The following PAQR8 variants were observed in gnomAD, a reference collection of about 807,000 sequenced individuals.
The protein encoded by PAQR8 is membrane progestin receptor beta.
Under a neutral mutation model 25.2 loss-of-function variants are expected in PAQR8, and 17 were observed. That is an observed-to-expected ratio of 0.67 (90% CI 0.46 to 1.01). The LOEUF is 1.01. Ranked by LOEUF, PAQR8 falls within the 50% of genes least tolerant of loss-of-function variation. The probability of loss-of-function intolerance (pLI) is 0.00; values close to 1 mark genes in which losing one functional copy is unlikely to be tolerated. For synonymous variants in PAQR8, 204 were observed against 190.6 expected, an observed-to-expected ratio of 1.07 and a Z score of -0.58; for missense variants, 392 against 448.4, an observed-to-expected ratio of 0.87 and a Z score of 1.14.
At chr6:52,365,893 G>C (rs1763345972) in intron 1 of PAQR8, among the ~76,000 whole-genome samples, 1 of 151,890 alleles carries the variant, frequency 6.6e-6, no homozygotes, top group Non-Finnish European at 1.5e-5. Flanking sequence ...ATAACAGTTT[G>C]GTGTGGTAAG....
chr6:52,390,861 T>C (rs1763698854), intron 1 of PAQR8, among the ~76,000 whole-genome samples: 1 of 152,208 alleles, frequency 6.6e-6, no homozygotes, highest in Admixed American at 6.5e-5. Context: ...GGGGTGTTTC[T>C]TGGGGAGGGT....
chr6:52,365,161 A>G (rs1003604797), intron 1 of PAQR8, among the ~76,000 whole-genome samples: 4 of 152,068 alleles, frequency 2.6e-5, no homozygotes, highest in Non-Finnish European at 5.9e-5. Context: ...CCAGAAAGCC[A>G]TTTGCCCCAG....
At chr6:52,379,696 G>A (rs1044106075) in intron 1 of PAQR8, among the ~76,000 whole-genome samples, 3 of 143,150 alleles carry the variant, frequency 2.1e-5, no homozygotes, top group Admixed American at 7.4e-5. Flanking sequence ...CTGCGATCTC[G>A]GCTCACTGCG....
intron 1 of PAQR8, among the ~76,000 whole-genome samples, chr6:52,387,818 G>T (rs1001536792): frequency 1.3e-5 from 2 of 152,256 alleles, no homozygotes; most frequent in Non-Finnish European, 2.9e-5. Flanking sequence ...CAGCCGCTCT[G>T]CTTTGCTGGC....
At chr6:52,391,991 G>T (rs1384984948) in intron 1 of PAQR8, among the ~76,000 whole-genome samples, 1 of 152,168 alleles carries the variant, frequency 6.6e-6, no homozygotes, top group Non-Finnish European at 1.5e-5. Context: ...ATGAATTACA[G>T]AATTTTACAG....
chr6:52,397,709 G>A (rs1763782693), intron 1 of PAQR8, among the ~76,000 whole-genome samples: 1 of 152,318 alleles, frequency 6.6e-6, no homozygotes, highest in Non-Finnish European at 1.5e-5. Context: ...AATTTCAGCT[G>A]TCCAGGAGCT....
chr6:52,385,028 G>T (rs780749548), intron 1 of PAQR8, among the ~76,000 whole-genome samples: 3 of 152,166 alleles, frequency 2.0e-5, no homozygotes, highest in African/African-American at 4.8e-5. Flanking sequence ...ATGGATTAAA[G>T]ACTTAAATGT....
Position 52,404,324 on chromosome 6 carries a change from G to C in PAQR8, c.*46G>C. 1 of 1,453,594 alleles carries C rather than the reference G, an allele frequency of 6.9e-7. No homozygotes were observed. The allele number at this position is 1,453,594 out of a possible 1,614,324, so 90.0% of individuals were successfully genotyped here. ...TGTGGAGGAAGCCCCTCATAATTTGGAGAAAACTTGATACAATAGAAGCTG... is the reference window on the plus strand; with the variant it reads ...TGTGGAGGAAGCCCCTCATAATTTGCAGAAAACTTGATACAATAGAAGCTG... On this transcript the variant is annotated 3_prime_UTR_variant, in exon 2 of 2. Transcript: ENST00000442253.
At chr6:52,364,761 A>G (rs9382102) in intron 1 of PAQR8, among the ~76,000 whole-genome samples, 95,939 of 152,054 alleles carry the variant, frequency 0.63, 30,966 homozygotes, top group South Asian at 0.78. Flanking sequence ...TTCTCTTGAA[A>G]GACTGGCAGT....
chr6:52,371,715 ACC>A (rs1763421494), intron 1 of PAQR8, among the ~76,000 whole-genome samples: 1 of 152,256 alleles, frequency 6.6e-6, no homozygotes, highest in Non-Finnish European at 1.5e-5. Flanking sequence ...TAAAATAGCT[ACC>A]ATGTATTGAG....
Position 52,373,738 on chromosome 6 carries a change from GT to G in PAQR8, c.-53+11503del, listed in dbSNP as rs35277802. On this transcript the variant is annotated intron_variant, in intron 1 of 1. Coordinates refer to ENST00000442253, the MANE Select transcript of PAQR8 (RefSeq NM_133367.5). ...GGATAAGCTGGCTACAAAAGGATCT[GT>G]TTTTTTTTTTTTTCCTCAGATGTGT... is the stretch of plus-strand genomic sequence containing the variant. 244 of 143,960 alleles carry G rather than the reference GT, an allele frequency of 1.7e-3. 2 individuals carry two copies. Among genetic ancestry groups the G allele is most frequent in the African/African-American group, 3.8e-3 (148 of 39,068 alleles). The allele number at this position is 143,960 out of a possible 1,614,324, so 8.9% of individuals were successfully genotyped here.
rs1238103715 is a variant in PAQR8, at chr6:52,406,749, G to A, written c.*2471G>A. Reference sequence around the variant, plus strand: ...GGCTAATTTTTGCATTTTTTGTAGAGACAGGGTTTTGCCACGTTGCTTAGG... The same window carrying A: ...GGCTAATTTTTGCATTTTTTGTAGAAACAGGGTTTTGCCACGTTGCTTAGG... On this transcript the variant is annotated 3_prime_UTR_variant, in exon 2 of 2. Coordinates refer to ENST00000442253, the MANE Select transcript of PAQR8 (RefSeq NM_133367.5). 2 of 396,556 alleles carry A rather than the reference G, an allele frequency of 5.0e-6. No homozygotes were observed. The highest frequency in any genetic ancestry group is 9.2e-6 in the Non-Finnish European group (2 of 216,994). 24.6% of individuals were successfully genotyped at this position (396,556 alleles called of 1,614,324 possible).
At chr6:52,377,746 G>C (rs1763501790) in intron 1 of PAQR8, among the ~76,000 whole-genome samples, 1 of 130,532 alleles carries the variant, frequency 7.7e-6, no homozygotes, top group African/African-American at 2.9e-5. Flanking sequence ...AACTTAAAGG[G>C]GAAACTTAAC....
At chr6:52,401,602 A>T (rs1234243621) in intron 1 of PAQR8, among the ~76,000 whole-genome samples, 1 of 152,236 alleles carries the variant, frequency 6.6e-6, no homozygotes, top group Non-Finnish European at 1.5e-5. Context: ...CATAATTTAA[A>T]AAATGAACAA....
intron 1 of PAQR8, among the ~76,000 whole-genome samples, chr6:52,402,653 G>T (rs191073737): frequency 4.9e-4 from 73 of 147,754 alleles, no homozygotes; most frequent in Admixed American, 4.8e-3. Context: ...AGAAAAAAAA[G>T]AATATTGGGA....
intron 1 of PAQR8, among the ~76,000 whole-genome samples, chr6:52,375,077 C>T (rs958679894): frequency 7.2e-5 from 11 of 151,916 alleles, no homozygotes; most frequent in African/African-American, 2.2e-4. Flanking sequence ...TTTTTAAAAA[C>T]GTTTAGTGGG....
chr6:52,403,793 T>C lies in PAQR8; in HGVS notation c.580T>C (p.Cys194Arg), dbSNP rs1162295478. Reference protein sequence around the residue: ...AFCGWLSCAGCCYAKYRYRRP... With the variant: ...AFCGWLSCAGRCYAKYRYRRP... ...CTGTGGCTGGTTATCTTGTGCTGGC[T>C]GTTGCTATGCCAAATATCGTTACCG... is the stretch of plus-strand genomic sequence containing the variant. Residue 194 changes from cysteine to arginine, a missense_variant, in exon 2 of 2, where the codon TGT becomes CGT. Coordinates refer to ENST00000442253, the MANE Select transcript of PAQR8 (RefSeq NM_133367.5). 1 of 1,614,258 alleles carries C rather than the reference T, an allele frequency of 6.2e-7. No individual in the cohort carries two copies. The highest frequency in any genetic ancestry group is 1.7e-5 in the Admixed American group (1 of 60,038).
In PAQR8 at chr6:52,406,450, T is replaced by C; in HGVS notation, c.*2172T>C. The stretch of plus-strand genomic sequence containing the variant: ...AGATGGGTGCACAGACCAGTGCCAA[T>C]CTGAACATTGTTAATGGCCTGTGAC... On this transcript the variant is annotated 3_prime_UTR_variant, in exon 2 of 2. Coordinates refer to ENST00000442253, the MANE Select transcript of PAQR8 (RefSeq NM_133367.5). The C allele has an allele frequency of 7.3e-6, 3 of 413,442 alleles. No individual in the cohort carries two copies. The East Asian group carries it at 1.1e-4, about 15-fold the overall frequency. The allele number at this position is 413,442 out of a possible 1,614,324, so 25.6% of individuals were successfully genotyped here. A position where few individuals can be genotyped will look rare whatever the true frequency, so the allele number is the denominator to read the frequency against.
chr6:52,378,781 A>T (rs1763515719), intron 1 of PAQR8, among the ~76,000 whole-genome samples: 2 of 148,494 alleles, frequency 1.3e-5, no homozygotes, highest in South Asian at 4.3e-4. Flanking sequence ...ACAGAGCAAG[A>T]TTCTGTCTAA....
Sources: gnomAD v4.1 joint callset for allele counts (sites outside exome capture counted in the v4.1 genomes callset) on GRCh38, gnomAD v4.1.1 for gene constraint, MANE v1.5 for transcripts, NCBI Gene and HGNC (gene_info 2026-07-23, HGNC 2026-07-21) for gene names.